Variants in ST8SIA2 observed in about 807,000 individuals in gnomAD.
The protein encoded by ST8SIA2 is alpha-2,8-sialyltransferase 8B.
A neutral mutation model predicts 37.6 loss-of-function variants in ST8SIA2; 22 were observed. The ratio of observed to expected loss-of-function variants is 0.58; its 90% CI spans 0.42 to 0.83. The LOEUF (loss-of-function observed/expected upper bound fraction) is 0.83, where lower values mean the gene tolerates loss of function less well. Among genes scored for constraint, ST8SIA2 ranks in the 40% least tolerant of loss-of-function variants. The pLI, the probability that ST8SIA2 is intolerant of heterozygous loss-of-function variation, is 0.00. For missense variants in ST8SIA2, 382 were observed against 484.7 expected, an observed-to-expected ratio of 0.79 and a Z score of 1.99; for synonymous variants, 205 against 201.2, an observed-to-expected ratio of 1.02 and a Z score of -0.16.
chr15:92,410,237 C>T (rs1048378892), intron 1 of ST8SIA2, among the ~76,000 whole-genome samples: 1 of 152,184 alleles, frequency 6.6e-6, no homozygotes, highest in African/African-American at 2.4e-5. Flanking sequence ...CTGCTACACC[C>T]CTAAATTCCT....
At chr15:92,401,819 C>G (rs2049473901) in intron 1 of ST8SIA2, among the ~76,000 whole-genome samples, 1 of 151,670 alleles carries the variant, frequency 6.6e-6, no homozygotes, top group Non-Finnish European at 1.5e-5. Context: ...CCTCCTCCAG[C>G]TTCTTAGTTG....
At chr15:92,431,315 G>A (rs1379988475) in intron 2 of ST8SIA2, among the ~76,000 whole-genome samples, 28 of 152,184 alleles carry the variant, frequency 1.8e-4, no homozygotes, top group Non-Finnish European at 7.3e-5. Flanking sequence ...CCTGGCCTCA[G>A]CCCCAGTGTT....
chr15:92,414,527 C>G (rs2049572933), intron 1 of ST8SIA2, among the ~76,000 whole-genome samples: 2 of 152,230 alleles, frequency 1.3e-5, no homozygotes, highest in South Asian at 4.1e-4. Flanking sequence ...TCCTCACTGT[C>G]AATCTTGGCA....
chr15:92,401,178 G>A (rs920893061), intron 1 of ST8SIA2, among the ~76,000 whole-genome samples: 3 of 152,176 alleles, frequency 2.0e-5, no homozygotes, highest in Admixed American at 6.5e-5. Flanking sequence ...GCCACCAGCT[G>A]GGTGAGTCAG....
At chr15:92,455,198 C>A (rs2049911525) in intron 5 of ST8SIA2, among the ~76,000 whole-genome samples, 1 of 152,146 alleles carries the variant, frequency 6.6e-6, no homozygotes, top group African/African-American at 2.4e-5. Flanking sequence ...GTCCCTAGGG[C>A]TGGTCCCTTC....
intron 5 of ST8SIA2, 79 bp from the exon 6 acceptor site, chr15:92,464,021 T>A: frequency 6.7e-7 from 1 of 1,503,724 alleles, no homozygotes; most frequent in East Asian, 2.5e-5. Context: ...CTGGGCAGGA[T>A]AAAATTTTTG....
chr15:92,459,206 G>A (rs1482484245), intron 5 of ST8SIA2, among the ~76,000 whole-genome samples: 3 of 152,166 alleles, frequency 2.0e-5, no homozygotes, highest in Non-Finnish European at 4.4e-5. Flanking sequence ...CTTGCTATCA[G>A]AAAATAAACA....
intron 5 of ST8SIA2, among the ~76,000 whole-genome samples, chr15:92,460,385 T>C (rs563853291): frequency 6.6e-6 from 1 of 152,286 alleles, no homozygotes; most frequent in African/African-American, 2.4e-5. Context: ...GCATTAGAGC[T>C]GAAAATGCAA....
At chr15:92,438,722 C>T (rs991167282) in intron 4 of ST8SIA2, 112 bp downstream of exon 4, 2 of 1,393,804 alleles carry the variant, frequency 1.4e-6, no homozygotes, top group Non-Finnish European at 9.5e-7. Flanking sequence ...GTGGAGTTAG[C>T]CCCTGCTCTC....
chr15:92,443,677 A>G (rs987135643), intron 4 of ST8SIA2, among the ~76,000 whole-genome samples: 1 of 151,798 alleles, frequency 6.6e-6, no homozygotes, highest in Non-Finnish European at 1.5e-5. Context: ...CCTCCACACA[A>G]TATGCTCCAG....
intron 1 of ST8SIA2, among the ~76,000 whole-genome samples, chr15:92,422,987 C>T (rs921515956): frequency 2.0e-5 from 3 of 152,330 alleles, no homozygotes; most frequent in South Asian, 2.1e-4. Context: ...TCTTCTGATA[C>T]GTGCTGTGTG....
Position 92,415,912 on chromosome 15 carries a change from G to C in ST8SIA2, c.99-14137G>C, listed in dbSNP as rs73545818. On this transcript the variant is annotated intron_variant, in intron 1 of 5. Coordinates refer to ENST00000268164, the MANE Select transcript of ST8SIA2 (RefSeq NM_006011.4). Reference sequence around the variant, plus strand: ...TTCCAGAAACTGCCCCTTGGTAGGAGGTGGATGTGTGGAAAAGAAGATGAG... The same window carrying C: ...TTCCAGAAACTGCCCCTTGGTAGGACGTGGATGTGTGGAAAAGAAGATGAG... Among the ~76,000 whole-genome samples, 253 of 152,252 alleles carry C rather than the reference G, an allele frequency of 1.7e-3. 1 individual carries two copies. The highest frequency in any genetic ancestry group is 5.8e-3 in the African/African-American group (242 of 41,538).
intron 4 of ST8SIA2, among the ~76,000 whole-genome samples, chr15:92,443,372 G>A (rs1300575236): frequency 6.6e-6 from 1 of 152,136 alleles, no homozygotes; most frequent in African/African-American, 2.4e-5. Flanking sequence ...CCCAGGCCGG[G>A]TCTCCCACAA....
Position 92,464,332 on chromosome 15 carries a change from C to T in ST8SIA2, c.1075C>T (p.His359Tyr). Residue 359 changes from histidine (H) to tyrosine (Y), a missense_variant, in exon 6 of 6, where the codon CAT becomes TAT. Transcript: ENST00000268164. ...GGAGTTTAAGGCCCTCAAGAGCCTA[C>T]ATGAGCAGGGGGCTTTGAAACTGAC... is the stretch of plus-strand genomic sequence containing the variant. The part of the protein sequence containing the change: ...PLEFKALKSL[H>Y]EQGALKLTVG... 1 of 1,614,094 alleles carries T rather than the reference C, an allele frequency of 6.2e-7. No homozygotes were observed. The highest frequency in any genetic ancestry group is 8.5e-7 in the Non-Finnish European group (1 of 1,180,030).
At chr15:92,459,031 C>G (rs2049939392) in intron 5 of ST8SIA2, among the ~76,000 whole-genome samples, 1 of 152,130 alleles carries the variant, frequency 6.6e-6, no homozygotes, top group Admixed American at 6.5e-5. Context: ...TCTAGGCGAG[C>G]ACCCAGCACG....
chr15:92,398,278 G>C (rs539863045), intron 1 of ST8SIA2, among the ~76,000 whole-genome samples: 1 of 152,350 alleles, frequency 6.6e-6, no homozygotes, highest in East Asian at 1.9e-4. Context: ...TCACTAATCT[G>C]AGATCACAGC....
intron 1 of ST8SIA2, among the ~76,000 whole-genome samples, chr15:92,419,961 G>A (rs1006522252): frequency 2.0e-5 from 3 of 152,190 alleles, no homozygotes; most frequent in East Asian, 1.9e-4. Flanking sequence ...CGCCTCCTGA[G>A]TTCAAGCGAT....
intron 5 of ST8SIA2, among the ~76,000 whole-genome samples, chr15:92,458,589 A>C (rs543754544): frequency 1.3e-4 from 20 of 152,244 alleles, no homozygotes; most frequent in Admixed American, 9.8e-4. Context: ...ATGACCATTC[A>C]CTTCTTCCGC....
intron 5 of ST8SIA2, among the ~76,000 whole-genome samples, chr15:92,447,550 G>C (rs906740885): frequency 6.6e-6 from 1 of 152,214 alleles, no homozygotes; most frequent in Non-Finnish European, 1.5e-5. Flanking sequence ...GCATCAGGAT[G>C]CTCTTCACTG....
Sources: allele counts gnomAD v4.1 joint callset (sites outside exome capture counted in the v4.1 genomes callset), GRCh38; gene constraint gnomAD v4.1.1; transcripts MANE v1.5; gene names NCBI Gene and HGNC (gene_info 2026-07-23, HGNC 2026-07-21).